The following ARAP2 variants were observed in gnomAD, a reference collection of about 807,000 sequenced individuals.
The protein encoded by ARAP2 is ArfGAP with RhoGAP domain, ankyrin repeat and PH domain 2.
ARAP2 carries 148 observed loss-of-function variants against 194.5 expected under a neutral mutation model. The ratio of observed to expected loss-of-function variants is 0.76; its 90% CI spans 0.67 to 0.87. The LOEUF is 0.87. Among genes scored for constraint, ARAP2 ranks in the 40% least tolerant of loss-of-function variants. ARAP2 has a pLI of 0.00. For synonymous variants in ARAP2, 695 were observed against 683.5 expected (o/e 1.02, Z -0.26); for missense variants, 2,128 against 1,989.7 (o/e 1.07, Z -1.32).
At position 36,067,955 on chromosome 4, in the gene ARAP2, C is replaced by T. The variant is rs369444158; in HGVS notation, c.5067G>A (p.Arg1689=). 2.6e-5 allele frequency: 42 copies of T among 1,612,180 alleles called. No individual in the cohort carries two copies. Among genetic ancestry groups the T allele is most frequent in the Non-Finnish European group, 3.5e-5 (41 of 1,179,070 alleles). Residue 1689 remains arginine (R), a synonymous_variant, in exon 33 of 33, where the codon CGG becomes CGA. Transcript: ENST00000303965. ...VIEELNVVLQ[R]SRTLPKELQD... ...GTAATTCTTTTGGAAGGGTTCTTGA[C>T]CGTTGTAGAACCACATTAAGTTCTT...
intron 5 of ARAP2, among the ~76,000 whole-genome samples, chr4:36,031,677 T>A (rs1277809858): frequency 6.6e-6 from 1 of 151,438 alleles, no homozygotes; most frequent in African/African-American, 2.4e-5. Flanking sequence ...TTTTTTTTTT[T>A]TTCTTTTTTG....
chr4:36,105,090 C>A (rs183653550), intron 27 of ARAP2, among the ~76,000 whole-genome samples: 14 of 152,048 alleles, frequency 9.2e-5, no homozygotes, highest in Non-Finnish European at 7.4e-5. Context: ...GAGGTCAAGG[C>A]AGGTGGATCA....
chr4:36,161,894 G>A (rs1397689464), intron 11 of ARAP2, among the ~76,000 whole-genome samples: 1 of 151,604 alleles, frequency 6.6e-6, no homozygotes, highest in African/African-American at 2.4e-5. Context: ...GGATCACGAG[G>A]TCAGGAGATC....
chr4:36,181,594 G>A (rs1739270575), intron 8 of ARAP2, among the ~76,000 whole-genome samples: 1 of 152,168 alleles, frequency 6.6e-6, no homozygotes. Flanking sequence ...AATATGATCT[G>A]ACTAAAGTTC....
intron 25 of ARAP2, among the ~76,000 whole-genome samples, chr4:36,115,028 T>C (rs975458464): frequency 6.6e-6 from 1 of 152,028 alleles, no homozygotes; most frequent in Non-Finnish European, 1.5e-5. Flanking sequence ...GTTTTAAACA[T>C]TATAATACTG....
intron 4 of ARAP2, 41 bp from the exon 5 acceptor site, chr4:36,212,528 G>GC (rs1348551525): frequency 6.8e-7 from 1 of 1,478,928 alleles, no homozygotes; most frequent in Non-Finnish European, 9.4e-7. Context: ...ATACTGTTTT[G>GC]CTTTTTGGTT....
At chr4:36,052,430 G>A (rs970828512) in intron 2 of ARAP2, among the ~76,000 whole-genome samples, 4 of 152,108 alleles carry the variant, frequency 2.6e-5, no homozygotes, top group African/African-American at 7.2e-5. Flanking sequence ...GCAGGAAACC[G>A]CTTTCAGTAT....
intron 2 of ARAP2, among the ~76,000 whole-genome samples, chr4:36,215,092 C>A (rs1471632387): frequency 1.3e-5 from 2 of 152,140 alleles, no homozygotes; most frequent in Non-Finnish European, 2.9e-5. Flanking sequence ...GGCCTTCTAT[C>A]ATATAACAGA....
chr4:36,119,225 A>G (rs769013936), intron 24 of ARAP2, among the ~76,000 whole-genome samples: 7 of 151,536 alleles, frequency 4.6e-5, no homozygotes, highest in Non-Finnish European at 1.0e-4. Context: ...CCATTAATAC[A>G]ATCATATGAA....
At chr4:36,019,838 C>G (rs1023790666) in intron 5 of ARAP2, among the ~76,000 whole-genome samples, 6 of 151,990 alleles carry the variant, frequency 3.9e-5, no homozygotes, top group Admixed American at 2.6e-4. Flanking sequence ...TCCTTAAGTC[C>G]CATGACAAAC....
intron 21 of ARAP2, among the ~76,000 whole-genome samples, chr4:36,127,926 T>G (rs1193454715): frequency 6.6e-6 from 1 of 151,970 alleles, no homozygotes; most frequent in Non-Finnish European, 1.5e-5. Context: ...GGACTTGTTT[T>G]AAATCATCGG....
chr4:36,156,362 G>GGAGGGAGA, intron 15 of ARAP2, among the ~76,000 whole-genome samples: 1 of 51,076 alleles, frequency 2.0e-5, no homozygotes, highest in Admixed American at 2.0e-4. Flanking sequence ...AGAGAGGGAG[G>GGAGGGAGA]GAGGGAGGGA....
chr4:36,102,184 T>G (rs1717129553), intron 27 of ARAP2, among the ~76,000 whole-genome samples: 1 of 151,968 alleles, frequency 6.6e-6, no homozygotes, highest in African/African-American at 2.4e-5. Flanking sequence ...TAGACATATA[T>G]CCTCAAACAC....
chr4:36,172,082 GA>G (rs1736790909), intron 9 of ARAP2, among the ~76,000 whole-genome samples: 2 of 152,314 alleles, frequency 1.3e-5, no homozygotes, highest in African/African-American at 4.8e-5. Flanking sequence ...GCAGAAGGCT[GA>G]AAATAGATTC....
chr4:36,029,194 T>C (rs1323858282), intron 5 of ARAP2, among the ~76,000 whole-genome samples: 1 of 152,044 alleles, frequency 6.6e-6, no homozygotes, highest in African/African-American at 2.4e-5. Context: ...GGACTAAGCA[T>C]AGTGTGTCGA....
intron 6 of ARAP2, among the ~76,000 whole-genome samples, chr4:36,199,482 G>A (rs977517155): frequency 3.9e-5 from 6 of 152,072 alleles, no homozygotes; most frequent in Non-Finnish European, 1.5e-5. Flanking sequence ...AGTAGAGACA[G>A]GGTTTCACCA....
intron 31 of ARAP2, among the ~76,000 whole-genome samples, chr4:36,078,826 T>G (rs1164278057): frequency 6.6e-6 from 1 of 152,176 alleles, no homozygotes; most frequent in South Asian, 2.1e-4. Context: ...TTAGACTCTA[T>G]AGTCCCAACT....
At chr4:36,212,330 T>G in intron 5 of ARAP2, 66 bp downstream of exon 5, 121 of 1,313,244 alleles carry the variant, frequency 9.2e-5, no homozygotes, top group Non-Finnish European at 1.2e-4. Flanking sequence ...ATACTAAGAA[T>G]GAGAAGTCAA....
chr4:36,019,614 G>A (rs550715582), intron 5 of ARAP2, among the ~76,000 whole-genome samples: 1 of 137,622 alleles, frequency 7.3e-6, no homozygotes, highest in African/African-American at 3.6e-5. Flanking sequence ...CCTGGGTCCT[G>A]CACAACAAGA....
Sources: gnomAD v4.1 joint callset for allele counts (sites outside exome capture counted in the v4.1 genomes callset) on GRCh38, gnomAD v4.1.1 for gene constraint, MANE v1.5 for transcripts, NCBI Gene and HGNC (gene_info 2026-07-23, HGNC 2026-07-21) for gene names.